ANK3: variants seen among roughly 807,000 people sequenced by gnomAD.
ANK3 encodes ankyrin 3.
ANK3 carries 57 observed loss-of-function variants against 370.9 expected under a neutral mutation model. The observed-to-expected ratio is 0.15, with a 90% CI of 0.12 to 0.19. ANK3 has a LOEUF of 0.19. Ranked by LOEUF, ANK3 falls within the 10% of genes least tolerant of loss-of-function variation. The pLI is 1.00. For missense variants in ANK3, 4,439 were observed against 5,302.1 expected (o/e 0.84, Z 5.06); for synonymous variants, 1,929 against 1,946.3 (o/e 0.99, Z 0.23).
intron 2 of ANK3, among the ~76,000 whole-genome samples, chr10:60,581,180 C>T (rs2077745751): frequency 6.6e-6 from 1 of 152,156 alleles, no homozygotes; most frequent in Non-Finnish European, 1.5e-5. Flanking sequence ...TGGACATTGT[C>T]CTACACTAAA....
intron 21 of ANK3, among the ~76,000 whole-genome samples, chr10:60,168,774 TGTAA>T (rs1399237763): frequency 3.9e-5 from 6 of 152,188 alleles, no homozygotes; most frequent in African/African-American, 1.4e-4. Context: ...AGCTCCCACT[TGTAA>T]GTGAGAACAT....
At chr10:60,133,655 G>C (rs1237535742) in intron 25 of ANK3, among the ~76,000 whole-genome samples, 1 of 152,168 alleles carries the variant, frequency 6.6e-6, no homozygotes, top group Non-Finnish European at 1.5e-5. Flanking sequence ...GGGTGCGGTG[G>C]TTCACACCTG....
At chr10:60,270,661 C>T (rs1464672836) in intron 4 of ANK3, among the ~76,000 whole-genome samples, 5 of 152,130 alleles carry the variant, frequency 3.3e-5, no homozygotes, top group Admixed American at 6.5e-5. Flanking sequence ...TTTAAATAAA[C>T]ATGTAATATT....
chr10:60,357,592 G>A (rs2057961662), intron 1 of ANK3, among the ~76,000 whole-genome samples: 1 of 151,978 alleles, frequency 6.6e-6, no homozygotes, highest in South Asian at 2.1e-4. Context: ...ACCTGACTTT[G>A]CTGACTGGGC....
intron 1 of ANK3, among the ~76,000 whole-genome samples, chr10:60,630,159 T>A (rs1040014187): frequency 2.6e-5 from 4 of 152,128 alleles, no homozygotes; most frequent in Admixed American, 2.6e-4. Context: ...GTTTCTTATC[T>A]GTCAAAGGGC....
intron 1 of ANK3, among the ~76,000 whole-genome samples, chr10:60,347,319 C>G (rs2055805541): frequency 6.6e-6 from 1 of 151,846 alleles, no homozygotes; most frequent in Non-Finnish European, 1.5e-5. Context: ...TCTTTGCATG[C>G]TGAAAAGGTT....
intron 42 of ANK3, among the ~76,000 whole-genome samples, chr10:60,047,442 GGATT>G (rs1410967261): frequency 1.3e-5 from 2 of 152,162 alleles, no homozygotes; most frequent in East Asian, 1.9e-4. Context: ...TCCAAAAATA[GGATT>G]GATGCGATAT....
intron 1 of ANK3, among the ~76,000 whole-genome samples, chr10:60,699,318 A>G (rs1193981379): frequency 6.6e-6 from 1 of 152,098 alleles, no homozygotes; most frequent in Non-Finnish European, 1.5e-5. Context: ...AATAAAAACA[A>G]ACAGGAAAAG....
chr10:60,579,421 G>A (rs2077722925), intron 2 of ANK3, among the ~76,000 whole-genome samples: 1 of 148,140 alleles, frequency 6.8e-6, no homozygotes, highest in Non-Finnish European at 1.5e-5. Flanking sequence ...TACAATGAAA[G>A]AGGAATGAGT....
chr10:60,548,260 G>A (rs551588037), intron 2 of ANK3, among the ~76,000 whole-genome samples: 14 of 129,014 alleles, frequency 1.1e-4, no homozygotes, highest in Admixed American at 1.1e-3. Flanking sequence ...CAGCCAGGCT[G>A]AAGTGCAATG....
intron 2 of ANK3, among the ~76,000 whole-genome samples, chr10:60,406,647 C>G (rs187345460): frequency 2.4e-4 from 36 of 152,058 alleles, no homozygotes; most frequent in Admixed American, 2.0e-3. Context: ...AGTCCACAGC[C>G]CGGGGGCTGA....
intron 2 of ANK3, among the ~76,000 whole-genome samples, chr10:60,512,820 G>A (rs1197063370): frequency 6.6e-6 from 1 of 152,132 alleles, no homozygotes; most frequent in Non-Finnish European, 1.5e-5. Flanking sequence ...AGAATTAAGA[G>A]CTGCAGGAAC....
chr10:60,363,621 A>G (rs374254837), intron 1 of ANK3, among the ~76,000 whole-genome samples: 4 of 152,356 alleles, frequency 2.6e-5, no homozygotes, highest in African/African-American at 9.6e-5. Context: ...TGATGGCCCC[A>G]AAGGGCATAT....
chr10:60,299,777 G>A (rs753154409), intron 1 of ANK3, among the ~76,000 whole-genome samples: 8 of 152,074 alleles, frequency 5.3e-5, no homozygotes, highest in Admixed American at 1.3e-4. Context: ...ATATCTATGT[G>A]CAATTCTATT....
chr10:60,209,116 T>C (rs569876354), intron 9 of ANK3, among the ~76,000 whole-genome samples: 68 of 152,342 alleles, frequency 4.5e-4, no homozygotes, highest in African/African-American at 1.6e-3. Flanking sequence ...ATGTCAGTCC[T>C]TTCTTTTAAC....
chr10:60,723,418 G>T (rs533113096), intron 1 of ANK3, among the ~76,000 whole-genome samples: 61 of 152,362 alleles, frequency 4.0e-4, no homozygotes, highest in African/African-American at 1.4e-3. Flanking sequence ...AAGTGTTAGT[G>T]TAGATGAGAC....
chr10:60,381,601 T>C (rs1452838942), intron 1 of ANK3, among the ~76,000 whole-genome samples: 1 of 152,148 alleles, frequency 6.6e-6, no homozygotes, highest in Non-Finnish European at 1.5e-5. Flanking sequence ...AAATATTCCC[T>C]CTTTTTCTCA....
intron 25 of ANK3, among the ~76,000 whole-genome samples, chr10:60,121,009 A>C (rs1216365443): frequency 1.3e-5 from 2 of 152,166 alleles, no homozygotes; most frequent in Non-Finnish European, 2.9e-5. Flanking sequence ...CTGCACGCCC[A>C]TGTTTATTGC....
At chr10:60,481,872 C>A (rs931581446) in intron 2 of ANK3, among the ~76,000 whole-genome samples, 2 of 152,108 alleles carry the variant, frequency 1.3e-5, no homozygotes, top group South Asian at 2.1e-4. Context: ...TGTCTTTATC[C>A]CCAGTGAATT....
Sources: allele counts gnomAD v4.1 joint callset (sites outside exome capture counted in the v4.1 genomes callset), GRCh38; gene constraint gnomAD v4.1.1; transcripts MANE v1.5; gene names NCBI Gene and HGNC (gene_info 2026-07-23, HGNC 2026-07-21).